SGCZ: variants seen among roughly 807,000 people sequenced by gnomAD.
The protein encoded by SGCZ is zeta-sarcoglycan.
SGCZ carries 40 observed loss-of-function variants against 41.3 expected under a neutral mutation model. The ratio of observed to expected loss-of-function variants is 0.97; its 90% CI spans 0.75 to 1.26. SGCZ has a LOEUF of 1.26. SGCZ is among the 50% of genes most tolerant of loss of function. SGCZ has a pLI of 0.00. For missense variants in SGCZ, 552 were observed against 369.8 expected (o/e 1.49, Z -4.04); for synonymous variants, 206 against 137.5 (o/e 1.50, Z -3.49).
intron 4 of SGCZ, among the ~76,000 whole-genome samples, chr8:14,208,437 AAG>A (rs1466957742): frequency 5.9e-5 from 9 of 152,184 alleles, no homozygotes; most frequent in Admixed American, 6.5e-5. Context: ...TCTCTAGAGC[AAG>A]TATGGAGGAA....
chr8:14,977,924 C>T (rs1209880757), intron 1 of SGCZ, among the ~76,000 whole-genome samples: 2 of 151,358 alleles, frequency 1.3e-5, no homozygotes, highest in Admixed American at 1.3e-4. Flanking sequence ...TATACACACA[C>T]ATATATATCT....
At chr8:14,509,485 T>G (rs1284005366) in intron 2 of SGCZ, among the ~76,000 whole-genome samples, 1 of 152,194 alleles carries the variant, frequency 6.6e-6, no homozygotes, top group South Asian at 2.1e-4. Flanking sequence ...CAAATTTATA[T>G]TAACTGATTA....
chr8:14,243,953 G>C (rs11782510), intron 3 of SGCZ, among the ~76,000 whole-genome samples: 151,596 of 152,312 alleles, frequency 1, 75,447 homozygotes, highest in East Asian at 1. Flanking sequence ...CTGTCAATTA[G>C]TTTTTCTCAT....
Position 14,090,644 on chromosome 8 carries a change from G to T in SGCZ, c.745-7C>A, listed in dbSNP as rs1801662452. ...TCTCTGCATTTAAAAATATCTATGG[G>T]AAAAAAGAAATTGCATTTTAATTCA... On this transcript the variant is annotated splice_polypyrimidine_tract_variant and splice_region_variant and intron_variant, in intron 7 of 7. Coordinates refer to ENST00000382080, the MANE Select transcript of SGCZ (RefSeq NM_139167.4). 1 of 1,603,602 alleles carries T rather than the reference G, an allele frequency of 6.2e-7. No homozygotes were observed. The highest frequency in any genetic ancestry group is 8.5e-7 in the Non-Finnish European group (1 of 1,176,552).
At chr8:14,587,032 A>T (rs1013495537) in intron 1 of SGCZ, among the ~76,000 whole-genome samples, 1 of 151,996 alleles carries the variant, frequency 6.6e-6, no homozygotes, top group Non-Finnish European at 1.5e-5. Flanking sequence ...TACATTAAAA[A>T]AAAAACAAAA....
intron 4 of SGCZ, among the ~76,000 whole-genome samples, chr8:14,179,058 C>A (rs768085984): frequency 6.6e-6 from 1 of 152,202 alleles, no homozygotes; most frequent in African/African-American, 2.4e-5. Context: ...TGCTTGTACA[C>A]TTGCCCCGGC....
At chr8:14,796,482 T>C (rs1159038230) in intron 1 of SGCZ, among the ~76,000 whole-genome samples, 1 of 152,190 alleles carries the variant, frequency 6.6e-6, no homozygotes, top group Non-Finnish European at 1.5e-5. Context: ...GAGTATTTTC[T>C]TTATGAACAC....
At chr8:14,725,781 T>G (rs919881965) in intron 1 of SGCZ, among the ~76,000 whole-genome samples, 17 of 152,124 alleles carry the variant, frequency 1.1e-4, no homozygotes, top group African/African-American at 3.9e-4. Flanking sequence ...CCCCATGTAC[T>G]AATTAAAAAG....
intron 5 of SGCZ, among the ~76,000 whole-genome samples, chr8:14,135,728 A>G (rs1039145634): frequency 2.6e-5 from 4 of 152,182 alleles, no homozygotes; most frequent in Admixed American, 6.5e-5. Context: ...AACATCTAAA[A>G]AATGAGTTAG....
chr8:14,679,462 C>T (rs190722858), intron 1 of SGCZ, among the ~76,000 whole-genome samples: 8 of 150,794 alleles, frequency 5.3e-5, no homozygotes, highest in East Asian at 3.9e-4. Context: ...TATGTGTGTT[C>T]GTGTATTAGT....
At chr8:14,616,414 C>T (rs1020395177) in intron 1 of SGCZ, among the ~76,000 whole-genome samples, 16 of 151,982 alleles carry the variant, frequency 1.1e-4, no homozygotes, top group African/African-American at 2.4e-4. Flanking sequence ...TTAAGCTTCC[C>T]GAAAGCCTAT....
intron 1 of SGCZ, among the ~76,000 whole-genome samples, chr8:14,925,025 T>C (rs1799704237): frequency 1.3e-5 from 2 of 152,132 alleles, no homozygotes; most frequent in South Asian, 4.1e-4. Flanking sequence ...GCCCGGCTAA[T>C]TTTTGTATTT....
At chr8:14,135,759 CA>C (rs1002403136) in intron 5 of SGCZ, among the ~76,000 whole-genome samples, 15 of 151,882 alleles carry the variant, frequency 9.9e-5, no homozygotes, top group African/African-American at 3.1e-4. Context: ...ACATATCTTC[CA>C]AAAAACAGAA....
chr8:14,708,234 C>A (rs1302294035), intron 1 of SGCZ, among the ~76,000 whole-genome samples: 1 of 151,770 alleles, frequency 6.6e-6, no homozygotes, highest in Non-Finnish European at 1.5e-5. Flanking sequence ...GACTATTTTG[C>A]AACATATTAG....
chr8:15,179,033 TA>T (rs1434255584), intron 1 of SGCZ, among the ~76,000 whole-genome samples: 1 of 152,162 alleles, frequency 6.6e-6, no homozygotes, highest in African/African-American at 2.4e-5. Context: ...TGTAGTAGAC[TA>T]AAAAACTACG....
intron 1 of SGCZ, among the ~76,000 whole-genome samples, chr8:15,095,907 C>A (rs901540879): frequency 9.2e-5 from 14 of 152,098 alleles, no homozygotes; most frequent in African/African-American, 2.7e-4. Context: ...CAACAAGGAT[C>A]AAGCCTTTTC....
intron 5 of SGCZ, among the ~76,000 whole-genome samples, chr8:14,132,997 G>A (rs549359446): frequency 2.0e-5 from 3 of 152,222 alleles, no homozygotes; most frequent in African/African-American, 2.4e-5. Flanking sequence ...AATGCTAGGA[G>A]CTGTAACAAT....
intron 2 of SGCZ, among the ~76,000 whole-genome samples, chr8:14,330,453 T>G (rs1802275224): frequency 6.6e-6 from 1 of 152,096 alleles, no homozygotes; most frequent in African/African-American, 2.4e-5. Context: ...TTTGACAAAG[T>G]AGAGGATTAT....
chr8:14,547,842 A>G (rs1210176494), intron 2 of SGCZ, among the ~76,000 whole-genome samples: 2 of 152,160 alleles, frequency 1.3e-5, no homozygotes, highest in Non-Finnish European at 2.9e-5. Flanking sequence ...AACATCATCA[A>G]TCTTGTTAAT....
Sources: allele counts gnomAD v4.1 joint callset (sites outside exome capture counted in the v4.1 genomes callset), GRCh38; gene constraint gnomAD v4.1.1; transcripts MANE v1.5; gene names NCBI Gene and HGNC (gene_info 2026-07-23, HGNC 2026-07-21).